AMBRA1: variants seen among roughly 807,000 people sequenced by gnomAD.
AMBRA1 encodes the protein activating molecule in BECN1-regulated autophagy protein 1.
AMBRA1 carries 47 observed loss-of-function variants against 125.4 expected under a neutral mutation model. The observed-to-expected ratio is 0.37, with a 90% CI of 0.30 to 0.48. The LOEUF is 0.48. AMBRA1 is among the 20% of genes least tolerant of loss of function. The pLI is 0.99. For missense variants in AMBRA1, 1,331 were observed against 1,693.4 expected (o/e 0.79, Z 3.76); for synonymous variants, 626 against 655.5 (o/e 0.95, Z 0.69).
intron 11 of AMBRA1, among the ~76,000 whole-genome samples, chr11:46,479,534 T>C (rs796967252): frequency 1.6e-4 from 25 of 152,166 alleles, no homozygotes; most frequent in African/African-American, 6.0e-4. Flanking sequence ...CTGTCTCTAC[T>C]AAAAATACAA....
chr11:46,491,939 G>C (rs935284520), intron 11 of AMBRA1, among the ~76,000 whole-genome samples: 11 of 152,224 alleles, frequency 7.2e-5, no homozygotes, highest in Admixed American at 7.2e-4. Context: ...CAAGGAAACA[G>C]AGATCTGCCG....
intron 11 of AMBRA1, among the ~76,000 whole-genome samples, chr11:46,483,755 C>T (rs1327642975): frequency 6.6e-6 from 1 of 152,096 alleles, no homozygotes; most frequent in East Asian, 1.9e-4. Context: ...CAAAAATTAG[C>T]TGGGCGTGGT....
At chr11:46,425,642 C>G (rs1417635466) in intron 14 of AMBRA1, among the ~76,000 whole-genome samples, 1 of 151,164 alleles carries the variant, frequency 6.6e-6, no homozygotes, top group Non-Finnish European at 1.5e-5. Flanking sequence ...GAGTTCGAGA[C>G]CAGCCTGACC....
At chr11:46,417,888 A>C (rs1946614862) in intron 15 of AMBRA1, 25 bp downstream of exon 15, 15 of 1,585,902 alleles carry the variant, frequency 9.5e-6, no homozygotes, top group Non-Finnish European at 1.3e-5. Flanking sequence ...GTGATCCCTC[A>C]ACCCCCACAC....
chr11:46,508,462 C>A (rs1372571544), intron 8 of AMBRA1, 92 bp from the exon 9 acceptor site: 7 of 1,310,010 alleles, frequency 5.3e-6, no homozygotes, highest in Non-Finnish European at 6.4e-6. Context: ...TGGCATCTCC[C>A]TGCTGAGGTG....
intron 1 of AMBRA1, among the ~76,000 whole-genome samples, chr11:46,568,637 T>C (rs1363883166): frequency 6.6e-6 from 1 of 151,178 alleles, no homozygotes; most frequent in African/African-American, 2.4e-5. Flanking sequence ...CCGGGCGTGG[T>C]GGCACATGCC....
chr11:46,408,491 T>A, intron 17 of AMBRA1, 22 bp downstream of exon 17: 1 of 1,504,334 alleles, frequency 6.6e-7, no homozygotes. Context: ...TCCCACCCCC[T>A]CCAGCGCCAC....
intron 1 of AMBRA1, among the ~76,000 whole-genome samples, chr11:46,578,485 TA>T (rs1330536762): frequency 0.015 from 2,114 of 137,484 alleles, 31 homozygotes; most frequent in African/African-American, 0.044. Context: ...AGACTCCATC[TA>T]AAAAAAAAAA....
At chr11:46,546,003 G>T in intron 4 of AMBRA1, 1 of 444,310 alleles carries the variant, frequency 2.3e-6, no homozygotes, top group Non-Finnish European at 4.1e-6. Context: ...CAATCTACAA[G>T]CATTAAGCAT....
intron 1 of AMBRA1, among the ~76,000 whole-genome samples, chr11:46,573,822 C>A (rs1448432257): frequency 8.3e-6 from 1 of 121,106 alleles, no homozygotes; most frequent in African/African-American, 3.1e-5. Context: ...CCCCTCCCCC[C>A]ACCCCACCAC....
chr11:46,570,743 T>C (rs1356513125), intron 1 of AMBRA1, among the ~76,000 whole-genome samples: 1 of 152,150 alleles, frequency 6.6e-6, no homozygotes, highest in Admixed American at 6.6e-5. Context: ...TTTTTCTATA[T>C]TAACACATGA....
At chr11:46,538,898 C>T (rs977684973) in intron 7 of AMBRA1, among the ~76,000 whole-genome samples, 5 of 152,016 alleles carry the variant, frequency 3.3e-5, no homozygotes, top group African/African-American at 9.7e-5. Flanking sequence ...ATTTAAATTA[C>T]TTAAAAATTT....
At chr11:46,421,172 G>C (rs1207027361) in intron 14 of AMBRA1, among the ~76,000 whole-genome samples, 2 of 152,138 alleles carry the variant, frequency 1.3e-5, no homozygotes, top group African/African-American at 4.8e-5. Context: ...AGGTCACAGA[G>C]GGATTGGAGA....
chr11:46,592,755 TA>T (rs919779590), intron 1 of AMBRA1, among the ~76,000 whole-genome samples: 274 of 142,644 alleles, frequency 1.9e-3, no homozygotes, highest in Middle Eastern at 3.5e-3. Flanking sequence ...TAGCCTGTCT[TA>T]AAAAAAAAAA....
chr11:46,511,556 T>A (rs1951257026), intron 8 of AMBRA1, among the ~76,000 whole-genome samples: 1 of 152,236 alleles, frequency 6.6e-6, no homozygotes, highest in Admixed American at 6.5e-5. Flanking sequence ...AGAGCAAAGT[T>A]CATTTTGCTT....
At chr11:46,469,974 A>C (rs549350905) in intron 11 of AMBRA1, among the ~76,000 whole-genome samples, 1 of 151,882 alleles carries the variant, frequency 6.6e-6, no homozygotes, top group East Asian at 1.9e-4. Flanking sequence ...CACTGTGCCC[A>C]GCCTATTTCA....
At chr11:46,574,606 C>A (rs925736219) in intron 1 of AMBRA1, among the ~76,000 whole-genome samples, 6 of 152,008 alleles carry the variant, frequency 3.9e-5, no homozygotes, top group Admixed American at 3.3e-4. Context: ...TTTGCAGAAT[C>A]CTTTTTCTAA....
chr11:46,466,472 G>A (rs1475744708), intron 11 of AMBRA1, among the ~76,000 whole-genome samples: 1 of 152,168 alleles, frequency 6.6e-6, no homozygotes, highest in Admixed American at 6.6e-5. Context: ...AGAGTACAGA[G>A]GAACTAGGGC....
chr11:46,454,579 CAAAAAA>C (rs777518872), intron 11 of AMBRA1, among the ~76,000 whole-genome samples: 9 of 50,500 alleles, frequency 1.8e-4, no homozygotes, highest in Non-Finnish European at 3.3e-4. Context: ...ACTAAAAATA[CAAAAAA>C]AAAAAAAAAA....
Sources: gnomAD v4.1 joint callset for allele counts (sites outside exome capture counted in the v4.1 genomes callset) on GRCh38, gnomAD v4.1.1 for gene constraint, MANE v1.5 for transcripts, NCBI Gene and HGNC (gene_info 2026-07-23, HGNC 2026-07-21) for gene names.